Variants in CNTLN observed in about 807,000 individuals in gnomAD.
The protein encoded by CNTLN is centlein, centrosomal protein.
In CNTLN, 212 loss-of-function variants were observed where a neutral mutation model predicts 180.0. The ratio of observed to expected loss-of-function variants is 1.18; its 90% CI spans 1.05 to 1.32. The LOEUF is 1.32. CNTLN is among the 40% of genes most tolerant of loss of function. The pLI is 0.00. For missense variants in CNTLN, 2,095 were observed against 1,610.9 expected, an observed-to-expected ratio of 1.30 and a Z score of -5.14; for synonymous variants, 722 against 563.1, an observed-to-expected ratio of 1.28 and a Z score of -3.99.
chr9:17,242,502 G>A (rs1484154590), intron 5 of CNTLN, among the ~76,000 whole-genome samples: 1 of 152,002 alleles, frequency 6.6e-6, no homozygotes, highest in Non-Finnish European at 1.5e-5. Flanking sequence ...GTAGAGACAG[G>A]GTTTTGCCAT....
At chr9:17,359,748 A>AAAAAAAAAAAAAAG (rs1319122261) in intron 12 of CNTLN, among the ~76,000 whole-genome samples, 1 of 134,752 alleles carries the variant, frequency 7.4e-6, no homozygotes, top group Non-Finnish European at 1.6e-5. Flanking sequence ...AAAAAAAAAA[A>AAAAAAAAAAAAAAG]AACTAGCTGG....
At chr9:17,187,112 G>A (rs371175337) in intron 2 of CNTLN, among the ~76,000 whole-genome samples, 20 of 152,098 alleles carry the variant, frequency 1.3e-4, no homozygotes, top group South Asian at 6.2e-4. Context: ...TGGAATGAGC[G>A]CATACATGGA....
chr9:17,266,198 C>G (rs1587408492), intron 5 of CNTLN, among the ~76,000 whole-genome samples: 1 of 152,220 alleles, frequency 6.6e-6, no homozygotes, highest in African/African-American at 2.4e-5. Flanking sequence ...TCCTTCTACA[C>G]ACTGCTTTGA....
At chr9:17,451,604 G>T (rs1395447283) in intron 18 of CNTLN, among the ~76,000 whole-genome samples, 1 of 152,106 alleles carries the variant, frequency 6.6e-6, no homozygotes, top group Non-Finnish European at 1.5e-5. Flanking sequence ...TTTTACTCTG[G>T]TTACTGATTG....
intron 23 of CNTLN, among the ~76,000 whole-genome samples, chr9:17,480,184 C>G (rs1832568565): frequency 6.6e-6 from 1 of 151,932 alleles, no homozygotes; most frequent in Non-Finnish European, 1.5e-5. Context: ...GAGCAAGACC[C>G]CATCTCTAAA....
intron 5 of CNTLN, among the ~76,000 whole-genome samples, chr9:17,249,602 G>C (rs1826016637): frequency 6.6e-6 from 1 of 151,944 alleles, no homozygotes; most frequent in African/African-American, 2.4e-5. Context: ...GCCTTCCTCG[G>C]CCCCCCAAAG....
intron 15 of CNTLN, among the ~76,000 whole-genome samples, chr9:17,396,815 C>T (rs968572443): frequency 1.3e-5 from 2 of 152,200 alleles, no homozygotes; most frequent in Admixed American, 6.5e-5. Context: ...TTTTAAACAT[C>T]ATCTACTCAA....
intron 13 of CNTLN, among the ~76,000 whole-genome samples, chr9:17,377,416 T>G (rs2010086): frequency 1.3e-5 from 2 of 151,936 alleles, no homozygotes; most frequent in African/African-American, 4.8e-5. Flanking sequence ...TGGTGCGTGC[T>G]TGTAATCCCA....
chr9:17,294,778 T>G (rs77677612), intron 6 of CNTLN, among the ~76,000 whole-genome samples: 2,570 of 24,830 alleles, frequency 0.1, 181 homozygotes, highest in South Asian at 0.27. Context: ...GCGGGGGGAG[T>G]GAGGGGAGGG....
intron 18 of CNTLN, among the ~76,000 whole-genome samples, chr9:17,452,214 T>G (rs969960279): frequency 2.6e-5 from 4 of 152,364 alleles, no homozygotes; most frequent in Admixed American, 2.6e-4. Flanking sequence ...GCCTGAAGAA[T>G]ATTTTCCAAG....
At chr9:17,188,588 G>A (rs964514431) in intron 2 of CNTLN, among the ~76,000 whole-genome samples, 4 of 152,088 alleles carry the variant, frequency 2.6e-5, no homozygotes, top group African/African-American at 9.7e-5. Flanking sequence ...AGGATCTTAG[G>A]CAATGGGAAG....
intron 6 of CNTLN, among the ~76,000 whole-genome samples, chr9:17,289,099 A>G (rs4254237): frequency 0.22 from 24,725 of 114,988 alleles, 4,038 homozygotes; most frequent in South Asian, 0.32. Context: ...GTTTCTTCCT[A>G]GTCTCCATGG....
At chr9:17,194,520 C>G (rs1461422828) in intron 2 of CNTLN, among the ~76,000 whole-genome samples, 1 of 152,152 alleles carries the variant, frequency 6.6e-6, no homozygotes, top group Non-Finnish European at 1.5e-5. Context: ...GTTCTAGTTC[C>G]CAACAAGTTC....
At chr9:17,436,368 A>G (rs1564104778) in intron 18 of CNTLN, among the ~76,000 whole-genome samples, 1 of 152,190 alleles carries the variant, frequency 6.6e-6, no homozygotes. Flanking sequence ...TTAGAATTTG[A>G]GCTTTCAAAT....
chr9:17,272,657 TA>T (rs1423121516), intron 5 of CNTLN, among the ~76,000 whole-genome samples: 1 of 152,154 alleles, frequency 6.6e-6, no homozygotes, highest in Admixed American at 6.5e-5. Context: ...TGTGGTGTGT[TA>T]AAAAATTTCT....
At chr9:17,138,305 C>G (rs1196848588) in intron 1 of CNTLN, among the ~76,000 whole-genome samples, 2 of 151,988 alleles carry the variant, frequency 1.3e-5, no homozygotes, top group East Asian at 1.9e-4. Flanking sequence ...ATTTATAAAG[C>G]TTATTTTTTG....
At chr9:17,154,928 T>C (rs1460597975) in intron 2 of CNTLN, among the ~76,000 whole-genome samples, 4 of 152,222 alleles carry the variant, frequency 2.6e-5, no homozygotes, top group African/African-American at 9.6e-5. Context: ...TTGCTGCTGC[T>C]CACTCTTTGG....
chr9:17,330,756 A>C lies in CNTLN; in HGVS notation c.1466A>C (p.Asn489Thr). 6.2e-7 allele frequency: 1 copy of C among 1,611,504 alleles called. No individual in the cohort carries two copies. Among genetic ancestry groups the C allele is most frequent in the Non-Finnish European group, 8.5e-7 (1 of 1,178,530 alleles). Reference sequence around the variant, plus strand: ...AAACTGTCAGAAAACATATCTGCCAACAAGGGTTTCTCCCGAAAGAGCATC... The same window carrying C: ...AAACTGTCAGAAAACATATCTGCCACCAAGGGTTTCTCCCGAAAGAGCATC... ...NEKLSENISA[N>T]KGFSRKSIMT... The change falls in exon 9 of 26, where the codon AAC (asparagine) becomes ACC (threonine). Residue 489 changes from asparagine to threonine, a missense_variant. Coordinates refer to ENST00000380647, the MANE Select transcript of CNTLN (RefSeq NM_017738.4).
At chr9:17,252,469 T>TA (rs1241492592) in intron 5 of CNTLN, among the ~76,000 whole-genome samples, 1 of 151,830 alleles carries the variant, frequency 6.6e-6, no homozygotes, top group Non-Finnish European at 1.5e-5. Context: ...CTCATTATGG[T>TA]TTTGATTTGC....
Sources: gnomAD v4.1 joint callset for allele counts (sites outside exome capture counted in the v4.1 genomes callset) on GRCh38, gnomAD v4.1.1 for gene constraint, MANE v1.5 for transcripts, NCBI Gene and HGNC (gene_info 2026-07-23, HGNC 2026-07-21) for gene names.